The following RIMS2 variants were observed in gnomAD, a reference collection of about 807,000 sequenced individuals.
RIMS2 encodes regulating synaptic membrane exocytosis protein 2.
In RIMS2, 59 loss-of-function variants were observed where a neutral mutation model predicts 174.4. That is an observed-to-expected ratio of 0.34 (90% CI 0.27 to 0.42). The LOEUF is 0.42. Among genes scored for constraint, RIMS2 ranks in the 10% least tolerant of loss-of-function variants. The pLI, the probability that RIMS2 is intolerant of heterozygous loss-of-function variation, is 1.00. For missense variants in RIMS2, 1,620 were observed against 1,666.3 expected (o/e 0.97, Z 0.48); for synonymous variants, 606 against 572.5 (o/e 1.06, Z -0.84).
chr8:103,657,557 G>A (rs2096546326), intron 1 of RIMS2, among the ~76,000 whole-genome samples: 1 of 152,200 alleles, frequency 6.6e-6, no homozygotes, highest in Non-Finnish European at 1.5e-5. Context: ...CTGTAGCAAG[G>A]ATTGCCCTGT....
At chr8:103,732,354 C>G (rs1464855492) in intron 2 of RIMS2, among the ~76,000 whole-genome samples, 1 of 152,048 alleles carries the variant, frequency 6.6e-6, no homozygotes, top group Non-Finnish European at 1.5e-5. Context: ...CACAAGCACT[C>G]CTGTGGTCTA....
intron 3 of RIMS2, among the ~76,000 whole-genome samples, chr8:103,798,915 CTTTT>C (rs376864472): frequency 7.4e-6 from 1 of 134,782 alleles, no homozygotes. Flanking sequence ...AGGTAGAAAA[CTTTT>C]TTTTTTTTTT....
At chr8:104,109,652 T>C (rs1049293955) in intron 19 of RIMS2, among the ~76,000 whole-genome samples, 2 of 152,206 alleles carry the variant, frequency 1.3e-5, no homozygotes, top group African/African-American at 2.4e-5. Flanking sequence ...ATTCTCACTT[T>C]TTTAGCTTTT....
intron 19 of RIMS2, among the ~76,000 whole-genome samples, chr8:104,218,905 C>T (rs942497053): frequency 6.6e-6 from 1 of 152,118 alleles, no homozygotes; most frequent in East Asian, 1.9e-4. Flanking sequence ...CTGCCACAGG[C>T]GTAACCATGT....
chr8:103,777,850 A>AT lies in RIMS2; in HGVS notation c.698+11317dup, dbSNP rs1216375780. ...CCACTCTTAAAAAGATAAAAATAGA[A>AT]TTTTGTTTCATGCTGGGTATGAAAT... is the stretch of plus-strand genomic sequence containing the variant. On this transcript the variant is annotated intron_variant, in intron 3 of 23. Transcript: ENST00000504942. 3.9e-5 allele frequency among the ~76,000 whole-genome samples: 6 copies of AT among 152,124 alleles called. 1 individual carries two copies. The highest frequency in any genetic ancestry group is 1.4e-4 in the African/African-American group (6 of 41,558).
intron 19 of RIMS2, among the ~76,000 whole-genome samples, chr8:104,120,142 G>A (rs2098349712): frequency 6.6e-6 from 1 of 152,128 alleles, no homozygotes; most frequent in Non-Finnish European, 1.5e-5. Context: ...CATGTAGAGA[G>A]CAAACCAGAT....
At chr8:103,667,925 A>G (rs1222549410) in intron 1 of RIMS2, among the ~76,000 whole-genome samples, 1 of 152,182 alleles carries the variant, frequency 6.6e-6, no homozygotes, top group Non-Finnish European at 1.5e-5. Flanking sequence ...TGTGGGTGGC[A>G]GGGGCAGTCT....
chr8:104,077,336 T>G (rs2097315194), intron 19 of RIMS2, among the ~76,000 whole-genome samples: 1 of 151,930 alleles, frequency 6.6e-6, no homozygotes. Context: ...GGGGTTCCAG[T>G]GTATATTTGT....
At chr8:103,556,212 GAT>G (rs1412214440) in intron 1 of RIMS2, among the ~76,000 whole-genome samples, 2 of 152,088 alleles carry the variant, frequency 1.3e-5, no homozygotes, top group African/African-American at 4.8e-5. Flanking sequence ...CACAAAAAAT[GAT>G]ATATGAGGTA....
At chr8:103,917,008 T>G (rs2076741705) in intron 8 of RIMS2, among the ~76,000 whole-genome samples, 1 of 152,158 alleles carries the variant, frequency 6.6e-6, no homozygotes, top group African/African-American at 2.4e-5. Context: ...ACCAAAGTAC[T>G]CTTTGGCTTT....
intron 1 of RIMS2, among the ~76,000 whole-genome samples, chr8:103,503,779 T>C (rs1454427241): frequency 6.6e-6 from 1 of 151,978 alleles, no homozygotes; most frequent in Non-Finnish European, 1.5e-5. Context: ...ATATTTAATA[T>C]ATAGATGACA....
chr8:104,022,718 G>A (rs923611398), intron 19 of RIMS2, among the ~76,000 whole-genome samples: 8 of 152,118 alleles, frequency 5.3e-5, no homozygotes, highest in African/African-American at 1.7e-4. Flanking sequence ...ATTTTGCACA[G>A]GCAGTTTCAC....
intron 14 of RIMS2, 89 bp from the exon 17 acceptor site, chr8:103,960,976 G>T: frequency 1.3e-6 from 1 of 762,446 alleles, no homozygotes; most frequent in South Asian, 1.4e-5. Context: ...GATTCACTCA[G>T]AATATTTTCG....
chr8:103,922,129 A>G (rs919140789), intron 10 of RIMS2: 1 of 176,078 alleles, frequency 5.7e-6, no homozygotes, highest in Non-Finnish European at 1.2e-5. Flanking sequence ...AAAATGTTGC[A>G]CTATATAAAG....
chr8:103,707,986 A>G (rs1008207217), intron 2 of RIMS2, among the ~76,000 whole-genome samples: 1 of 152,152 alleles, frequency 6.6e-6, no homozygotes, highest in Non-Finnish European at 1.5e-5. Flanking sequence ...ATTGTAAGAA[A>G]AAGTTTCCTC....
chr8:103,762,199 A>G (rs1396361925), intron 2 of RIMS2, among the ~76,000 whole-genome samples: 2 of 151,926 alleles, frequency 1.3e-5, no homozygotes, highest in African/African-American at 4.8e-5. Flanking sequence ...GTCATTAGAG[A>G]TTATTCCATC....
intron 19 of RIMS2, among the ~76,000 whole-genome samples, chr8:104,241,789 T>G (rs568925669): frequency 2.6e-5 from 4 of 152,162 alleles, no homozygotes; most frequent in Non-Finnish European, 5.9e-5. Context: ...AGACACAGTC[T>G]TGCTCTGTCA....
intron 19 of RIMS2, among the ~76,000 whole-genome samples, chr8:104,110,215 A>G (rs1381290821): frequency 1.3e-5 from 2 of 152,178 alleles, no homozygotes; most frequent in African/African-American, 2.4e-5. Context: ...GCCCAGTATT[A>G]CATAAGTGTC....
chr8:103,580,015 A>G (rs2093510749), intron 1 of RIMS2, among the ~76,000 whole-genome samples: 1 of 151,884 alleles, frequency 6.6e-6, no homozygotes, highest in African/African-American at 2.4e-5. Context: ...TGATCCAATC[A>G]CCTCCCATCA....
Sources: gnomAD v4.1 joint callset for allele counts (sites outside exome capture counted in the v4.1 genomes callset) on GRCh38, gnomAD v4.1.1 for gene constraint, MANE v1.5 for transcripts, NCBI Gene and HGNC (gene_info 2026-07-23, HGNC 2026-07-21) for gene names.